The following SLC25A28 variants were observed in gnomAD, a reference collection of about 807,000 sequenced individuals.
SLC25A28 encodes mitoferrin-2.
SLC25A28 carries 10 observed loss-of-function variants against 31.9 expected under a neutral mutation model. The observed-to-expected ratio is 0.31, with a 90% confidence interval of 0.19 to 0.53. SLC25A28 has a LOEUF of 0.53. Ranked by LOEUF, SLC25A28 falls within the 20% of genes least tolerant of loss-of-function variation. The probability of loss-of-function intolerance (pLI) is 0.95; values close to 1 mark genes in which losing one functional copy is unlikely to be tolerated. For missense variants in SLC25A28, 256 were observed against 490.3 expected (o/e 0.52, Z 4.51); for synonymous variants, 208 against 203.6 (o/e 1.02, Z -0.19).
At chr10:99,612,442 G>A in intron 3 of SLC25A28, 101 bp downstream of exon 3, 1 of 1,365,804 alleles carries the variant, frequency 7.3e-7, no homozygotes, top group African/African-American at 1.4e-5. Flanking sequence ...GGTAAAACAA[G>A]GTAACAGAAT....
At chr10:99,612,675 G>C (rs780276158) in intron 2 of SLC25A28, 76 bp from the exon 3 acceptor site, 1 of 1,532,760 alleles carries the variant, frequency 6.5e-7, no homozygotes, top group East Asian at 2.2e-5. Context: ...CAGTGAAGGG[G>C]AGTGGCTGTG....
intron 1 of SLC25A28, chr10:99,615,815 T>C: frequency 1.0e-6 from 1 of 985,388 alleles, no homozygotes; most frequent in Non-Finnish European, 1.2e-6. Context: ...TCAAAACTGA[T>C]CTTGTATAAG....
chr10:99,632,225 T>G, the SLC25A28 span, among the ~76,000 whole-genome samples: 1 of 152,200 alleles, frequency 6.6e-6, no homozygotes, highest in South Asian at 2.1e-4. Context: ...CAATAAAGTA[T>G]AATGACTACA....
At chr10:99,636,804 A>G in the SLC25A28 span, among the ~76,000 whole-genome samples, 21 of 152,332 alleles carry the variant, frequency 1.4e-4, no homozygotes, top group South Asian at 3.9e-3. Context: ...TTTAAAAATT[A>G]CCGACAACAA....
Position 99,620,330 on chromosome 10 carries a change from C to A in SLC25A28, c.6G>T (p.Glu2Asp). MELEGRGAGGVA... is the reference protein window; with the variant it reads MDLEGRGAGGVA... ...CACCGCCAGCACCCCGCCCCTCCAA[C>A]TCCATCCACCCGGGCCAGCTGCGGC... is the stretch of plus-strand genomic sequence containing the variant. The change falls in exon 1 of 4, where the codon GAG becomes GAT. Residue 2 changes from glutamate to aspartate, a missense_variant. Coordinates refer to ENST00000370495, the MANE Select transcript of SLC25A28 (RefSeq NM_031212.4). 4 of 1,104,348 alleles carry A rather than the reference C, an allele frequency of 3.6e-6. No homozygotes were observed. Among genetic ancestry groups the A allele is most frequent in the Non-Finnish European group, 4.4e-6 (4 of 904,598 alleles). The allele number at this position is 1,104,348 out of a possible 1,614,324, so 68.4% of individuals were successfully genotyped here.
At chr10:99,654,969 C>T in the SLC25A28 span, among the ~76,000 whole-genome samples, 1 of 152,154 alleles carries the variant, frequency 6.6e-6, no homozygotes, top group Non-Finnish European at 1.5e-5. Context: ...CTTTTTAACT[C>T]GCCCTGCTGA....
chr10:99,618,172 T>C (rs2034701351), intron 1 of SLC25A28: 3 of 763,340 alleles, frequency 3.9e-6, no homozygotes, highest in South Asian at 1.2e-4. Context: ...TGCACCCAAA[T>C]ATTCTAGAAG....
the SLC25A28 span, among the ~76,000 whole-genome samples, chr10:99,658,733 G>A: frequency 9.2e-5 from 14 of 152,236 alleles, no homozygotes; most frequent in South Asian, 4.2e-4. Context: ...GGGCGCAATG[G>A]ATGTGCCACG....
At chr10:99,656,259 G>A in the SLC25A28 span, among the ~76,000 whole-genome samples, 493 of 152,260 alleles carry the variant, frequency 3.2e-3, 3 homozygotes, top group African/African-American at 0.011. Context: ...TCTGGGGGCA[G>A]GGCCACCAGT....
At chr10:99,634,842 A>G in the SLC25A28 span, among the ~76,000 whole-genome samples, 1 of 152,238 alleles carries the variant, frequency 6.6e-6, no homozygotes, top group African/African-American at 2.4e-5. Flanking sequence ...CAACATTGTC[A>G]TCAGGTCATC....
At chr10:99,647,156 T>C in the SLC25A28 span, among the ~76,000 whole-genome samples, 1 of 152,374 alleles carries the variant, frequency 6.6e-6, no homozygotes, top group East Asian at 1.9e-4. Context: ...TATAATCATT[T>C]TTTTCCATTT....
the SLC25A28 span, among the ~76,000 whole-genome samples, chr10:99,647,056 T>C: frequency 6.6e-6 from 1 of 152,244 alleles, no homozygotes; most frequent in African/African-American, 2.4e-5. Flanking sequence ...ATTTTCTTAA[T>C]CCAACCTTCT....
At chr10:99,643,816 A>T in the SLC25A28 span, among the ~76,000 whole-genome samples, 16 of 152,070 alleles carry the variant, frequency 1.1e-4, no homozygotes, top group East Asian at 2.9e-3. Context: ...CCTTCATTTC[A>T]TTATGTACCC....
In SLC25A28 at chr10:99,616,945, T is replaced by C. The variant is rs1057276331; in HGVS notation, c.292-3021A>G. The C allele has an allele frequency of 2.2e-5, 22 of 983,024 alleles. No homozygotes were observed. In the South Asian group the frequency reaches 9.9e-4, roughly 44 times the overall value. 60.9% of individuals were successfully genotyped at this position (983,024 alleles called of 1,614,324 possible). A position where few individuals can be genotyped will look rare whatever the true frequency, so the allele number is the denominator to read the frequency against. On this transcript the variant is annotated intron_variant, in intron 1 of 3. Coordinates refer to ENST00000370495, the MANE Select transcript of SLC25A28 (RefSeq NM_031212.4). ...GGCACACAAGATCACTGAATACTTATTACTAGATGCAAGAAAATCAAATAA... is the reference window on the plus strand; with the variant it reads ...GGCACACAAGATCACTGAATACTTACTACTAGATGCAAGAAAATCAAATAA...
the SLC25A28 span, among the ~76,000 whole-genome samples, chr10:99,626,224 C>A: frequency 6.6e-6 from 1 of 152,206 alleles, no homozygotes; most frequent in Non-Finnish European, 1.5e-5. Context: ...GCTAACCTTA[C>A]AGCCACTTAA....
At chr10:99,639,811 A>G in the SLC25A28 span, among the ~76,000 whole-genome samples, 1 of 151,950 alleles carries the variant, frequency 6.6e-6, no homozygotes, top group Admixed American at 6.6e-5. Context: ...ATATTTTAGG[A>G]AATGGAAAGT....
chr10:99,628,365 A>T, the SLC25A28 span, among the ~76,000 whole-genome samples: 34 of 152,366 alleles, frequency 2.2e-4, no homozygotes, highest in African/African-American at 7.7e-4. Flanking sequence ...GTTTTCACAG[A>T]TCAACATTAT....
chr10:99,616,299 C>G, intron 1 of SLC25A28: 1 of 818,902 alleles, frequency 1.2e-6, no homozygotes, highest in Non-Finnish European at 1.5e-6. Context: ...TGTCACTTAA[C>G]CTCTTTAAGC....
At chr10:99,614,222 T>C (rs978636654) in intron 1 of SLC25A28, among the ~76,000 whole-genome samples, 1 of 152,226 alleles carries the variant, frequency 6.6e-6, no homozygotes, top group Non-Finnish European at 1.5e-5. Context: ...ATATCAAGCC[T>C]GTGTTTCAGA....
Sources: gnomAD v4.1 joint callset for allele counts (sites outside exome capture counted in the v4.1 genomes callset) on GRCh38, gnomAD v4.1.1 for gene constraint, MANE v1.5 for transcripts, NCBI Gene and HGNC (gene_info 2026-07-23, HGNC 2026-07-21) for gene names.